KCNH1: variants seen among roughly 807,000 people sequenced by gnomAD.
The protein encoded by KCNH1 is voltage-gated delayed rectifier potassium channel KCNH1.
Under a neutral mutation model 69.2 loss-of-function variants are expected in KCNH1, and 27 were observed. That is an observed-to-expected ratio of 0.39 (90% CI 0.29 to 0.54). The LOEUF (loss-of-function observed/expected upper bound fraction) is 0.54. KCNH1 is among the 20% of genes least tolerant of loss of function. The pLI is 0.68. For missense variants in KCNH1, 798 were observed against 1,261.6 expected (o/e 0.63, Z 5.57); for synonymous variants, 456 against 487.7 (o/e 0.93, Z 0.86).
At chr1:210,892,969 A>T (rs1686778829) in intron 7 of KCNH1, among the ~76,000 whole-genome samples, 1 of 152,160 alleles carries the variant, frequency 6.6e-6, no homozygotes, top group South Asian at 2.1e-4. Context: ...GGAGGTAATC[A>T]CAGAGAGCCT....
intron 7 of KCNH1, among the ~76,000 whole-genome samples, chr1:210,833,160 C>G (rs2102442148): frequency 6.6e-6 from 1 of 152,154 alleles, no homozygotes; most frequent in Non-Finnish European, 1.5e-5. Flanking sequence ...ATAATCACCA[C>G]TAACAGATCT....
chr1:211,085,380 C>T (rs1690934092), intron 4 of KCNH1, among the ~76,000 whole-genome samples: 1 of 151,694 alleles, frequency 6.6e-6, no homozygotes, highest in African/African-American at 2.4e-5. Context: ...CATCCTGAAA[C>T]CCACTGAGAG....
At chr1:211,022,459 C>A (rs1476354968) in intron 5 of KCNH1, among the ~76,000 whole-genome samples, 4 of 152,054 alleles carry the variant, frequency 2.6e-5, no homozygotes, top group Non-Finnish European at 5.9e-5. Flanking sequence ...GCAACCAAGG[C>A]AAAAATAGCC....
chr1:210,923,742 T>C (rs1458010408), intron 6 of KCNH1, among the ~76,000 whole-genome samples: 2 of 152,230 alleles, frequency 1.3e-5, no homozygotes, highest in Non-Finnish European at 2.9e-5. Context: ...CTGCACCTAT[T>C]TCCCCAACTA....
chr1:210,855,714 A>G (rs1405919905), intron 7 of KCNH1, among the ~76,000 whole-genome samples: 1 of 152,114 alleles, frequency 6.6e-6, no homozygotes, highest in Non-Finnish European at 1.5e-5. Context: ...GCCTTTCTAT[A>G]GCAGAGTGTC....
intron 6 of KCNH1, among the ~76,000 whole-genome samples, chr1:210,995,049 C>T (rs1052996324): frequency 1.1e-4 from 17 of 152,170 alleles, no homozygotes; most frequent in African/African-American, 3.6e-4. Flanking sequence ...ATTTCCCATT[C>T]CTTCTTGCTA....
chr1:211,096,197 G>GGGAT (rs2102477746), intron 3 of KCNH1, among the ~76,000 whole-genome samples: 1 of 152,136 alleles, frequency 6.6e-6, no homozygotes, highest in African/African-American at 2.4e-5. Context: ...CTGAGTAGCT[G>GGGAT]GGATTATAGG....
chr1:210,929,364 T>C (rs953214149), intron 6 of KCNH1, among the ~76,000 whole-genome samples: 60 of 152,318 alleles, frequency 3.9e-4, no homozygotes, highest in African/African-American at 1.4e-3. Context: ...GATGCAGGGA[T>C]GGTTTAACAT....
At chr1:210,783,133 C>A (rs991621321) in intron 9 of KCNH1, among the ~76,000 whole-genome samples, 1 of 152,206 alleles carries the variant, frequency 6.6e-6, no homozygotes, top group Non-Finnish European at 1.5e-5. Context: ...CACAGGGATT[C>A]TCAGCCTCAT....
intron 4 of KCNH1, among the ~76,000 whole-genome samples, chr1:211,088,504 A>G (rs1690995527): frequency 6.6e-6 from 1 of 152,220 alleles, no homozygotes. Context: ...ACACACTAAT[A>G]TAAAGTTTGA....
chr1:211,037,226 G>C (rs1337368173), intron 5 of KCNH1, among the ~76,000 whole-genome samples: 1 of 152,126 alleles, frequency 6.6e-6, no homozygotes, highest in Non-Finnish European at 1.5e-5. Flanking sequence ...AGTCATGCAA[G>C]GGGTGAGTAA....
At chr1:210,793,087 A>T (rs1157775588) in intron 9 of KCNH1, among the ~76,000 whole-genome samples, 1 of 152,262 alleles carries the variant, frequency 6.6e-6, no homozygotes, top group African/African-American at 2.4e-5. Flanking sequence ...TCTCGAATTT[A>T]TTTCAAGAAG....
chr1:210,969,675 T>G (rs186095649), intron 6 of KCNH1, among the ~76,000 whole-genome samples: 1 of 152,182 alleles, frequency 6.6e-6, no homozygotes, highest in Non-Finnish European at 1.5e-5. Context: ...AGTTTTATCA[T>G]TTTTGTGAGT....
intron 10 of KCNH1, among the ~76,000 whole-genome samples, chr1:210,774,963 C>A (rs1453734119): frequency 6.6e-6 from 1 of 152,134 alleles, no homozygotes; most frequent in Non-Finnish European, 1.5e-5. Context: ...CAGCAAATCC[C>A]AGTCACCACA....
At chr1:210,865,158 T>C (rs1399046414) in intron 7 of KCNH1, among the ~76,000 whole-genome samples, 3 of 152,240 alleles carry the variant, frequency 2.0e-5, no homozygotes, top group Non-Finnish European at 2.9e-5. Flanking sequence ...GTTAAAGCTA[T>C]CTCTGGAATA....
chr1:210,801,757 C>T (rs565648807), intron 8 of KCNH1, among the ~76,000 whole-genome samples: 4 of 152,204 alleles, frequency 2.6e-5, no homozygotes, highest in Admixed American at 1.3e-4. Flanking sequence ...CCCACAGAAC[C>T]TACAGGCATT....
At chr1:210,738,090 A>C (rs953142989) in intron 10 of KCNH1, among the ~76,000 whole-genome samples, 6 of 150,282 alleles carry the variant, frequency 4.0e-5, no homozygotes, top group African/African-American at 4.9e-5. Context: ...ATTTGCTACC[A>C]CTCTCCTCTC....
intron 7 of KCNH1, among the ~76,000 whole-genome samples, chr1:210,848,124 T>C (rs560612447): frequency 1.3e-5 from 2 of 152,362 alleles, no homozygotes; most frequent in South Asian, 2.1e-4. Flanking sequence ...CAACATCTTA[T>C]GAATCTTAAT....
chr1:210,718,175 CATAAT>C (rs1682310106), intron 10 of KCNH1, among the ~76,000 whole-genome samples: 1 of 145,366 alleles, frequency 6.9e-6, no homozygotes, highest in East Asian at 2.0e-4. Context: ...TTTTATTTAA[CATAAT>C]ATGTCCAAAA....
Sources: allele counts gnomAD v4.1 joint callset (sites outside exome capture counted in the v4.1 genomes callset), GRCh38; gene constraint gnomAD v4.1.1; transcripts MANE v1.5; gene names NCBI Gene and HGNC (gene_info 2026-07-23, HGNC 2026-07-21).